SNCG: variants seen among roughly 807,000 people sequenced by gnomAD.
SNCG encodes the protein gamma-synuclein.
Under a neutral mutation model 16.0 loss-of-function variants are expected in SNCG, and 13 were observed. The ratio of observed to expected loss-of-function variants is 0.81; its 90% CI spans 0.53 to 1.29. The LOEUF (loss-of-function observed/expected upper bound fraction) is 1.29. SNCG is among the 50% of genes most tolerant of loss of function. SNCG has a pLI of 0.00. For synonymous variants in SNCG, 66 were observed against 66.3 expected, an observed-to-expected ratio of 1.00 and a Z score of 0.02; for missense variants, 154 against 168.5, an observed-to-expected ratio of 0.91 and a Z score of 0.48.
chr10:86,957,372 T>C, upstream of SNCG: 2 of 1,612,772 alleles, frequency 1.2e-6, no homozygotes, highest in Non-Finnish European at 1.7e-6. Flanking sequence ...GTCCAGGCCC[T>C]CTTACCGTCC....
At chr10:86,957,846 C>T, upstream of SNCG, 1 of 1,163,606 alleles carries the variant, frequency 8.6e-7, no homozygotes, top group Non-Finnish European at 1.1e-6. Flanking sequence ...GAACCTGCTC[C>T]CTGGGAGCCA....
At chr10:86,960,174 A>G (rs1385563684) in intron 3 of SNCG, 46 bp downstream of exon 3, 1 of 1,570,188 alleles carries the variant, frequency 6.4e-7, no homozygotes, top group East Asian at 2.3e-5. Context: ...CTGGGCCCAG[A>G]AAGGCTGCTG....
In SNCG at chr10:86,959,794, C is replaced by A; in HGVS notation, c.163+120C>A. On this transcript the variant is annotated intron_variant, in intron 2 of 4. Transcript: ENST00000372017. This position sits in a 1 kb window ranked among gnomAD's most constrained non-coding sequence, Gnocchi z 4.3. ...CCCCCAACTGGGGTCCCAAGCCCTACAGACCCCTGCAGACCATGAGGCTAA... is the reference window on the plus strand; with the variant it reads ...CCCCCAACTGGGGTCCCAAGCCCTAAAGACCCCTGCAGACCATGAGGCTAA... 1 of 1,223,550 alleles carries A rather than the reference C, an allele frequency of 8.2e-7. No individual in the cohort carries two copies. Among genetic ancestry groups the A allele is most frequent in the Non-Finnish European group, 1.1e-6 (1 of 885,614 alleles). 75.8% of individuals were successfully genotyped at this position (1,223,550 alleles called of 1,614,324 possible).
At chr10:86,958,552 C>A (rs1193941029), upstream of SNCG, 17 of 1,415,618 alleles carry the variant, frequency 1.2e-5, no homozygotes, top group African/African-American at 2.5e-4. Context: ...TGGGCTCCAG[C>A]TGGCCTCCGC....
upstream of SNCG, chr10:86,957,788 T>C (rs1844261634): frequency 2.3e-6 from 3 of 1,308,420 alleles, no homozygotes; most frequent in Middle Eastern, 2.9e-4. Flanking sequence ...TCAGGGACTC[T>C]GGGAATGTGG....
In SNCG at chr10:86,959,536, C is replaced by A. The variant is rs570233764; in HGVS notation, c.122-97C>A. ...CCAGACACCATCCTTACCCCCCCAC[C>A]GACCCCACAGTTTGTCCAGCTGTTC... On this transcript the variant is annotated intron_variant, in intron 1 of 4. Transcript: ENST00000372017. The surrounding 1 kb of genome is among the most constrained non-coding windows in gnomAD (Gnocchi z 4.3). The A allele has an allele frequency of 9.0e-7, 1 of 1,107,824 alleles. No individual in the cohort carries two copies. The highest frequency in any genetic ancestry group is 2.4e-5 in the East Asian group (1 of 41,138). The allele number at this position is 1,107,824 out of a possible 1,614,324, so 68.6% of individuals were successfully genotyped here.
upstream of SNCG, chr10:86,957,514 CA>C (rs780317602): frequency 5.0e-6 from 8 of 1,612,072 alleles, no homozygotes; most frequent in African/African-American, 8.0e-5. Context: ...AGGGGGCCCC[CA>C]AGGCTGAACA....
At chr10:86,958,412 C>T (rs765906751), upstream of SNCG, 1 of 985,368 alleles carries the variant, frequency 1.0e-6, no homozygotes, top group Non-Finnish European at 1.2e-6. Context: ...GGGCACGGGG[C>T]AGGAGAGCTG....
chr10:86,960,177 G>A (rs1426317702), intron 3 of SNCG, 49 bp downstream of exon 3: 1 of 1,561,026 alleles, frequency 6.4e-7, no homozygotes, highest in Non-Finnish European at 8.8e-7. Flanking sequence ...GGCCCAGAAA[G>A]GCTGCTGGGC....
chr10:86,959,399 C>T lies in SNCG; in HGVS notation c.122-234C>T. The T allele has an allele frequency of 1.7e-6, 1 of 589,850 alleles. No homozygotes were observed. The highest frequency in any genetic ancestry group is 2.0e-5 in the South Asian group (1 of 49,406). The allele number at this position is 589,850 out of a possible 1,614,324, so 36.5% of individuals were successfully genotyped here. ...CTGGACCCTGGGTCTAGCCAGTGTCCCTACCTCAGGCCTGCTCTCTCTTGT... is the reference window on the plus strand; with the variant it reads ...CTGGACCCTGGGTCTAGCCAGTGTCTCTACCTCAGGCCTGCTCTCTCTTGT... On this transcript the variant is annotated intron_variant, in intron 1 of 4. Coordinates refer to ENST00000372017, the MANE Select transcript of SNCG (RefSeq NM_003087.3). This position sits in a 1 kb window ranked among gnomAD's most constrained non-coding sequence, Gnocchi z 4.3.
chr10:86,957,430 G>A (rs1844253982), upstream of SNCG: 1 of 1,613,800 alleles, frequency 6.2e-7, no homozygotes, highest in Non-Finnish European at 8.5e-7. Flanking sequence ...CAGACCCCAG[G>A]TGTCCTGGAG....
Position 86,959,751 on chromosome 10 carries a change from ACCTAGAGT to A in SNCG, c.163+81_163+88del, listed in dbSNP as rs983398446. On this transcript the variant is annotated intron_variant, in intron 2 of 4. Transcript: ENST00000372017. The surrounding 1 kb of genome is among the most constrained non-coding windows in gnomAD (Gnocchi z 4.3). ...CCTGCATCCTAGTGCTGGGGCTCAA[ACCTAGAGT>A]CCTGCCTTACCCCCAACTGGGGTCC... 2.1e-6 allele frequency: 3 copies of A among 1,424,160 alleles called. No individual in the cohort carries two copies. Among genetic ancestry groups the A allele is most frequent in the Non-Finnish European group, 2.9e-6 (3 of 1,045,480 alleles). 88.2% of individuals were successfully genotyped at this position (1,424,160 alleles called of 1,614,324 possible).
Position 86,959,872 on chromosome 10 carries a change from A to G in SNCG, c.164-129A>G, listed in dbSNP as rs780420445. On this transcript the variant is annotated intron_variant, in intron 2 of 4. Transcript: ENST00000372017. The surrounding 1 kb of genome is among the most constrained non-coding windows in gnomAD (Gnocchi z 4.3). ...CCAGCATCAGAGGTGCCCTGGAGTCAGAGGGAGCAGGGGAGGGTCCCAGCA... is the reference window on the plus strand; with the variant it reads ...CCAGCATCAGAGGTGCCCTGGAGTCGGAGGGAGCAGGGGAGGGTCCCAGCA... 2.8e-6 allele frequency: 4 copies of G among 1,448,352 alleles called. No homozygotes were observed. The highest frequency in any genetic ancestry group is 3.7e-6 in the Non-Finnish European group (4 of 1,074,238). 89.7% of individuals were successfully genotyped at this position (1,448,352 alleles called of 1,614,324 possible). A position where few individuals can be genotyped will look rare whatever the true frequency, so the allele number is the denominator to read the frequency against.
In SNCG at chr10:86,959,942, C is replaced by A. The variant is rs1271606531; in HGVS notation, c.164-59C>A. 1.3e-6 allele frequency: 2 copies of A among 1,552,296 alleles called. No homozygotes were observed. Among genetic ancestry groups the A allele is most frequent in the South Asian group, 2.4e-5 (2 of 84,184 alleles). ...CTGGGAAGGGGCTGCGAGCCTGACT[C>A]CAGCAGGCCTGCCTTGGGGCTGGGG... On this transcript the variant is annotated intron_variant, in intron 2 of 4. Transcript: ENST00000372017. This position sits in a 1 kb window ranked among gnomAD's most constrained non-coding sequence, Gnocchi z 4.3.
chr10:86,962,718 G>A (rs898721462), intron 4 of SNCG, 43 bp downstream of exon 4: 2 of 1,480,776 alleles, frequency 1.4e-6, no homozygotes, highest in Non-Finnish European at 1.9e-6. Context: ...GGGTTCCTTG[G>A]TAGGGACCCC....
upstream of SNCG, chr10:86,958,497 T>TGCCAACCCA: frequency 1.8e-6 from 2 of 1,098,146 alleles, no homozygotes; most frequent in Non-Finnish European, 2.3e-6. Flanking sequence ...TGAACCTCCT[T>TGCCAACCCA]CCCTCCCTCC....
Position 86,962,310 on chromosome 10 carries a change from C to T in SNCG, c.292-294C>T, listed in dbSNP as rs537290358. Among the ~76,000 whole-genome samples the T allele has an allele frequency of 1.9e-4, 29 of 152,316 alleles. 1 individual carries two copies. In the South Asian group the frequency reaches 5.2e-3, roughly 27 times the overall value. ...AACCCCCACTCCACCCTACCCCACC[C>T]AGGTTCCTCATCAGTGAAGCCCAAC... On this transcript the variant is annotated intron_variant, in intron 3 of 4. Transcript: ENST00000372017.
chr10:86,957,310 C>T (rs1164183713), upstream of SNCG: 6 of 1,535,526 alleles, frequency 3.9e-6, no homozygotes, highest in African/African-American at 1.4e-5. Context: ...TCTAGAGAGG[C>T]TCTGCTCTAG....
At position 86,959,809 on chromosome 10, in the gene SNCG, C is replaced by T; in HGVS notation, c.163+135C>T. 2 of 1,253,278 alleles carry T rather than the reference C, an allele frequency of 1.6e-6. No homozygotes were observed. The highest frequency in any genetic ancestry group is 2.2e-6 in the Non-Finnish European group (2 of 912,446). 77.6% of individuals were successfully genotyped at this position (1,253,278 alleles called of 1,614,324 possible). Reference sequence around the variant, plus strand: ...CCAAGCCCTACAGACCCCTGCAGACCATGAGGCTAAACTAGGGTGGGCGTC... The same window carrying T: ...CCAAGCCCTACAGACCCCTGCAGACTATGAGGCTAAACTAGGGTGGGCGTC... On this transcript the variant is annotated intron_variant, in intron 2 of 4. Transcript: ENST00000372017. This position sits in a 1 kb window ranked among gnomAD's most constrained non-coding sequence, Gnocchi z 4.3.
Sources: gnomAD v4.1 joint callset for allele counts (sites outside exome capture counted in the v4.1 genomes callset) on GRCh38, gnomAD v4.1.1 for gene constraint, Gnocchi (gnomAD v3.1) non-coding constraint, MANE v1.5 for transcripts, NCBI Gene and HGNC (gene_info 2026-07-23, HGNC 2026-07-21) for gene names.